The following FAT2 variants were observed in gnomAD, a reference collection of about 807,000 sequenced individuals.
FAT2 encodes protocadherin Fat 2.
A neutral mutation model predicts 295.3 loss-of-function variants in FAT2; 150 were observed. The ratio of observed to expected loss-of-function variants is 0.51; its 90% CI spans 0.44 to 0.58. FAT2 has a LOEUF of 0.58. Among genes scored for constraint, FAT2 ranks in the 20% least tolerant of loss-of-function variants. The probability of loss-of-function intolerance (pLI) is 0.00; values close to 1 mark genes in which losing one functional copy is unlikely to be tolerated. For synonymous variants in FAT2, 2,026 were observed against 2,150.3 expected (o/e 0.94, Z 1.60); for missense variants, 4,868 against 5,442.7 (o/e 0.89, Z 3.32).
rs1378019221 is a variant in FAT2 at position 151,545,892 on chromosome 5, C to A, written c.5235G>T (p.Val1745=). 1.2e-6 allele frequency: 2 copies of A among 1,614,116 alleles called. No individual in the cohort carries two copies. The highest frequency in any genetic ancestry group is 2.2e-5 in the South Asian group (2 of 91,070). Residue 1745 remains valine (V), a synonymous_variant, in exon 10 of 24, where the codon GTG becomes GTT. Coordinates refer to ENST00000261800, the MANE Select transcript of FAT2 (RefSeq NM_001447.3). The stretch of plus-strand genomic sequence containing the variant: ...TGTCATTTTCATCAATTATGTCAAC[C>A]ACCACCATGACATCAGTAAATGCAC... ...MAGAFTDVMV[V]VDIIDENDNA... is the part of the protein sequence containing the mutation.
chr5:151,553,810 A>G (rs754774772), intron 5 of FAT2, among the ~76,000 whole-genome samples: 1 of 152,162 alleles, frequency 6.6e-6, no homozygotes, highest in Non-Finnish European at 1.5e-5. Flanking sequence ...TAATCCTCAC[A>G]ATAACCTTGG....
At chr5:151,562,001 A>G (rs1360727122) in intron 3 of FAT2, among the ~76,000 whole-genome samples, 1 of 152,204 alleles carries the variant, frequency 6.6e-6, no homozygotes, top group Admixed American at 6.5e-5. Flanking sequence ...CTGAAGAGGG[A>G]GGGACAGGGA....
rs747496471 is a variant in FAT2, at chr5:151,521,447, C to G, written c.11146G>C (p.Val3716Leu). 6.2e-7 allele frequency: 1 copy of G among 1,614,064 alleles called. No individual in the cohort carries two copies. Among genetic ancestry groups the G allele is most frequent in the African/African-American group, 1.3e-5 (1 of 74,906 alleles). Reference protein sequence around the residue: ...SAKEMEHSVGVQMRSAMPMVP... With the variant: ...SAKEMEHSVGLQMRSAMPMVP... ...ATGGGCATAGCTGACCGCATCTGAA[C>G]CCCCACTGAATGCTCCATCTCCTTG... is the stretch of plus-strand genomic sequence containing the variant. The change falls in exon 19 of 24, where the codon GTT (valine) becomes CTT (leucine). Residue 3716 changes from valine (V) to leucine (L), a missense_variant. Physicochemically the swap from Val to Leu is conservative, Grantham distance 32. This residue lies in a region of FAT2 where 1,046 missense variants were observed against 1,210.1 expected (regional missense o/e 0.86). Coordinates refer to ENST00000261800, the MANE Select transcript of FAT2 (RefSeq NM_001447.3).
At chr5:151,519,070 G>A (rs1317660144) in intron 19 of FAT2, among the ~76,000 whole-genome samples, 2 of 152,214 alleles carry the variant, frequency 1.3e-5, no homozygotes, top group Non-Finnish European at 2.9e-5. Context: ...CCAGCTGGAC[G>A]CAGTGGCTCA....
At chr5:151,508,688 C>T (rs1013001226) in intron 22 of FAT2, among the ~76,000 whole-genome samples, 7 of 147,672 alleles carry the variant, frequency 4.7e-5, no homozygotes, top group African/African-American at 1.3e-4. Context: ...GCAGCCTGGG[C>T]GACAGAGTGA....
chr5:151,522,213 C>A, intron 18 of FAT2, 127 bp from the exon 19 acceptor site: 2 of 660,940 alleles, frequency 3.0e-6, no homozygotes, highest in Non-Finnish European at 4.9e-6. Flanking sequence ...TGGCTCAGCG[C>A]ATTGTTGCAT....
chr5:151,571,259 C>A lies in FAT2; in HGVS notation c.-20-2308G>T, dbSNP rs1301057722. On this transcript the variant is annotated intron_variant, in intron 1 of 23. Coordinates refer to ENST00000261800, the MANE Select transcript of FAT2 (RefSeq NM_001447.3). Reference sequence around the variant, plus strand: ...CACAAGCAGAAGGGGACGCCTGAGTCATTCAGCCCCCAACCCATGCAGGAT... The same window carrying A: ...CACAAGCAGAAGGGGACGCCTGAGTAATTCAGCCCCCAACCCATGCAGGAT... 1.3e-5 allele frequency among the ~76,000 whole-genome samples: 2 copies of A among 152,106 alleles called. 1 individual carries two copies. Among genetic ancestry groups the A allele is most frequent in the Non-Finnish European group, 2.9e-5 (2 of 68,030 alleles).
Position 151,566,499 on chromosome 5 carries a change from T to G in FAT2, c.2433A>C (p.Lys811Asn). 2 of 1,614,036 alleles carry G rather than the reference T, an allele frequency of 1.2e-6. No individual in the cohort carries two copies. Among genetic ancestry groups the G allele is most frequent in the Non-Finnish European group, 1.7e-6 (2 of 1,179,972 alleles). ...SSWKLLTVNV[K>N]DWNDNAPRFP... Reference sequence around the variant, plus strand: ...ATCTGGGTGCGTTGTCATTCCAGTCTTTCACATTCACTGTCAGCAGCTTCC... The same window carrying G: ...ATCTGGGTGCGTTGTCATTCCAGTCGTTCACATTCACTGTCAGCAGCTTCC... The change falls in exon 2 of 24, where the codon AAA (lysine) becomes AAC (asparagine). Residue 811 changes from lysine (K) to asparagine (N), a missense_variant. By Grantham distance (94) the Lys-to-Asn change is moderately conservative. Transcript: ENST00000261800.
chr5:151,551,810 GAATTTTATT>G (rs1273079256), intron 6 of FAT2, among the ~76,000 whole-genome samples: 1 of 151,972 alleles, frequency 6.6e-6, no homozygotes, highest in Non-Finnish European at 1.5e-5. Context: ...ATTTTTATTT[GAATTTTATT>G]AATAAATCAA....
In FAT2 at chr5:151,544,830, C is replaced by G; in HGVS notation, c.6297G>C (p.Leu2099Phe). 1.2e-6 allele frequency: 2 copies of G among 1,614,216 alleles called. No individual in the cohort carries two copies. The highest frequency in any genetic ancestry group is 1.7e-6 in the Non-Finnish European group (2 of 1,180,046). ...LFQVSATDED[L>F]GTNGAVTYEF... ...CATATGTAACAGCCCCATTTGTCCCCAAGTCCTCATCAGTGGCAGATACCT... is the reference window on the plus strand; with the variant it reads ...CATATGTAACAGCCCCATTTGTCCCGAAGTCCTCATCAGTGGCAGATACCT... The change falls in exon 10 of 24, where the codon TTG becomes TTC. Residue 2099 changes from leucine to phenylalanine, a missense_variant. Physicochemically the swap from Leu to Phe is conservative, Grantham distance 22. Around this residue, in one of 5 missense-constraint regions of FAT2, gnomAD observed 3,297 missense variants for 3,669.4 expected, o/e 0.90. Coordinates refer to ENST00000261800, the MANE Select transcript of FAT2 (RefSeq NM_001447.3).
intron 6 of FAT2, among the ~76,000 whole-genome samples, chr5:151,552,287 A>C (rs957030680): frequency 6.6e-6 from 1 of 152,114 alleles, no homozygotes; most frequent in Non-Finnish European, 1.5e-5. Context: ...TGCCCAGCCC[A>C]TATGTGTTTT....
intron 23 of FAT2, among the ~76,000 whole-genome samples, chr5:151,506,573 A>T (rs1760895478): frequency 6.6e-6 from 1 of 152,222 alleles, no homozygotes; most frequent in African/African-American, 2.4e-5. Context: ...TGCCTCTGCT[A>T]CTGAATAGTT....
intron 12 of FAT2, among the ~76,000 whole-genome samples, chr5:151,535,608 A>C (rs1301360517): frequency 6.6e-6 from 1 of 152,124 alleles, no homozygotes; most frequent in African/African-American, 2.4e-5. Context: ...AGTAAACACA[A>C]GTGTTTTTCT....
At chr5:151,511,586 A>C (rs1003818096) in intron 21 of FAT2, 1 of 153,908 alleles carries the variant, frequency 6.5e-6, no homozygotes, top group Non-Finnish European at 1.4e-5. Flanking sequence ...GCGAGGGTGG[A>C]GAGGGAAAAT....
At chr5:151,572,992 C>G (rs1720553095) in intron 1 of FAT2, among the ~76,000 whole-genome samples, 1 of 152,246 alleles carries the variant, frequency 6.6e-6, no homozygotes, top group African/African-American at 2.4e-5. Flanking sequence ...CATGCATACT[C>G]AGTAGTCAAT....
In FAT2 at chr5:151,521,942, C is replaced by T. The variant is rs2127580364; in HGVS notation, c.10651G>A (p.Gly3551Ser). 6.2e-7 allele frequency: 1 copy of T among 1,614,168 alleles called. No individual in the cohort carries two copies. Among genetic ancestry groups the T allele is most frequent in the Non-Finnish European group, 8.5e-7 (1 of 1,180,022 alleles). ...GEDEFQGGMV[G>S]KIHATDRDPQ... ...TCTCGGTCTGTGGCATGGATCTTAC[C>T]CACCATGCCACCCTGGAACTCATCC... Residue 3551 changes from glycine (G) to serine (S), a missense_variant, in exon 19 of 24, where the codon GGT (glycine) becomes AGT (serine). Coordinates refer to ENST00000261800, the MANE Select transcript of FAT2 (RefSeq NM_001447.3).
In FAT2 at chr5:151,507,232, T is replaced by TG. The variant is rs2127564208; in HGVS notation, c.12438dup (p.Arg4147GlnfsTer12). On this transcript the variant is annotated frameshift_variant, in exon 23 of 24. Coordinates refer to ENST00000261800, the MANE Select transcript of FAT2 (RefSeq NM_001447.3). LOFTEE classifies it high-confidence loss of function. ...GAAGGGACCGCAGCTGGCGGGAGTCTGGGGGGCACACTGCAGACCACTGGC... is the reference window on the plus strand; with the variant it reads ...GAAGGGACCGCAGCTGGCGGGAGTCTGGGGGGGCACACTGCAGACCACTGGC... 1 of 1,613,790 alleles carries TG rather than the reference T, an allele frequency of 6.2e-7. No individual in the cohort carries two copies. The highest frequency in any genetic ancestry group is 8.5e-7 in the Non-Finnish European group (1 of 1,179,740).
intron 1 of FAT2, among the ~76,000 whole-genome samples, chr5:151,579,973 C>A (rs1056077507): frequency 6.6e-5 from 10 of 152,172 alleles, no homozygotes; most frequent in Admixed American, 1.3e-4. Flanking sequence ...TATGCATTGT[C>A]CCTTTGTCAG....
At chr5:151,592,771 G>A (rs1461006342), upstream of FAT2, among the ~76,000 whole-genome samples, 1 of 108,754 alleles carries the variant, frequency 9.2e-6, no homozygotes, top group Non-Finnish European at 2.3e-5. Context: ...TGACAAAACT[G>A]AGGCCTGGTT....
Sources: gnomAD v4.1 joint callset for allele counts (sites outside exome capture counted in the v4.1 genomes callset) on GRCh38, gnomAD v4.1.1 for gene constraint, gnomAD v4.1.1 regional missense constraint, MANE v1.5 for transcripts, NCBI Gene and HGNC (gene_info 2026-07-23, HGNC 2026-07-21) for gene names.